The following SHANK2 variants were observed in gnomAD, a reference collection of about 807,000 sequenced individuals.
SHANK2 encodes the protein SH3 and multiple ankyrin repeat domains protein 2.
A neutral mutation model predicts 133.7 loss-of-function variants in SHANK2; 43 were observed. The observed-to-expected ratio is 0.32, with a 90% CI of 0.25 to 0.41. SHANK2 has a LOEUF of 0.41. SHANK2 is among the 10% of genes least tolerant of loss of function. SHANK2 has a pLI of 1.00. For missense variants in SHANK2, 1,994 were observed against 2,235.8 expected, an observed-to-expected ratio of 0.89 and a Z score of 2.18; for synonymous variants, 1,017 against 952.8, an observed-to-expected ratio of 1.07 and a Z score of -1.24.
At chr11:70,720,256 A>G (rs1360457586) in intron 14 of SHANK2, among the ~76,000 whole-genome samples, 1 of 152,192 alleles carries the variant, frequency 6.6e-6, no homozygotes, top group Non-Finnish European at 1.5e-5. Flanking sequence ...TGCCACGGTC[A>G]TTTCTGATGT....
At position 70,804,738 on chromosome 11, in the gene SHANK2, G is replaced by A. The variant is rs1270241105; in HGVS notation, c.1663+2264C>T. On this transcript the variant is annotated intron_variant, in intron 13 of 25. Transcript: ENST00000601538. The surrounding 1 kb of genome is among the most constrained non-coding windows in gnomAD (Gnocchi z 4.1). Reference sequence around the variant, plus strand: ...GGGGAAGGCCCCCCCAGAGCTTCTGGGAATTAAGGTGTGAGATGTGGATTC... The same window carrying A: ...GGGGAAGGCCCCCCCAGAGCTTCTGAGAATTAAGGTGTGAGATGTGGATTC... 5.3e-5 allele frequency among the ~76,000 whole-genome samples: 8 copies of A among 152,306 alleles called. No individual in the cohort carries two copies. The highest frequency in any genetic ancestry group is 2.1e-4 in the South Asian group (1 of 4,824).
intron 14 of SHANK2, among the ~76,000 whole-genome samples, chr11:70,728,472 C>T (rs1325747428): frequency 6.6e-6 from 1 of 152,332 alleles, no homozygotes; most frequent in South Asian, 2.1e-4. Context: ...ACTCAGGAAG[C>T]GTCCTGGGCG....
chr11:70,921,287 A>G (rs1590835022), intron 10 of SHANK2, among the ~76,000 whole-genome samples: 1 of 152,264 alleles, frequency 6.6e-6, no homozygotes, highest in East Asian at 1.9e-4. Context: ...GAAAGAGGAC[A>G]GCTGTTGAGA....
intron 17 of SHANK2, among the ~76,000 whole-genome samples, chr11:70,565,148 G>A (rs560728298): frequency 1.8e-4 from 28 of 152,296 alleles, no homozygotes; most frequent in African/African-American, 5.1e-4. Context: ...TGTTGGGGGC[G>A]CTGGGTAGTT....
chr11:71,247,241 C>G (rs572069807), intron 1 of SHANK2, among the ~76,000 whole-genome samples: 1 of 152,282 alleles, frequency 6.6e-6, no homozygotes, highest in South Asian at 2.1e-4. Flanking sequence ...GGTAAAGAGT[C>G]AGGCAACAGT....
intron 17 of SHANK2, among the ~76,000 whole-genome samples, chr11:70,538,013 C>G (rs1438719377): frequency 6.6e-6 from 1 of 152,232 alleles, no homozygotes; most frequent in Non-Finnish European, 1.5e-5. Context: ...CTCAAAGTAG[C>G]TCACTCACTT....
chr11:70,944,239 C>T (rs782768913), intron 10 of SHANK2, among the ~76,000 whole-genome samples: 1 of 152,254 alleles, frequency 6.6e-6, no homozygotes, highest in Non-Finnish European at 1.5e-5. Flanking sequence ...ATCTGGCAAT[C>T]ACTGTTGCCT....
At chr11:71,062,996 C>CAAAAAAAA (rs1169050698) in intron 9 of SHANK2, among the ~76,000 whole-genome samples, 3 of 69,746 alleles carry the variant, frequency 4.3e-5, no homozygotes, top group African/African-American at 1.6e-4. Flanking sequence ...GACCCTGTCT[C>CAAAAAAAA]AAAAAAAAAA....
At chr11:70,772,354 C>G (rs767674919) in intron 14 of SHANK2, among the ~76,000 whole-genome samples, 1 of 151,398 alleles carries the variant, frequency 6.6e-6, no homozygotes, top group African/African-American at 2.4e-5. Context: ...GCAGGAGAAT[C>G]GCTTGAACCC....
chr11:70,701,605 C>T (rs1158776816), intron 14 of SHANK2, among the ~76,000 whole-genome samples: 6 of 152,020 alleles, frequency 3.9e-5, no homozygotes, highest in East Asian at 1.9e-4. Flanking sequence ...GGGGTTTCAC[C>T]GTGTTAGCCA....
intron 14 of SHANK2, among the ~76,000 whole-genome samples, chr11:70,794,509 G>A (rs911807132): frequency 5.3e-5 from 8 of 152,144 alleles, no homozygotes; most frequent in Non-Finnish European, 1.2e-4. Flanking sequence ...ATGGCTGGAA[G>A]ACAGCCTGAG....
At chr11:70,877,917 C>T (rs72958627) in intron 11 of SHANK2, among the ~76,000 whole-genome samples, 355 of 152,360 alleles carry the variant, frequency 2.3e-3, no homozygotes, top group Admixed American at 4.6e-3. Flanking sequence ...TTGTCAAGCA[C>T]CTACCAGGTG....
At chr11:70,881,564 AATAATAATAT>A (rs782312750) in intron 11 of SHANK2, among the ~76,000 whole-genome samples, 6,484 of 130,070 alleles carry the variant, frequency 0.05, 228 homozygotes, top group East Asian at 0.058. Context: ...TAATAATATT[AATAATAATAT>A]TAATAATAAT....
intron 14 of SHANK2, among the ~76,000 whole-genome samples, chr11:70,781,558 T>TTTTATATA (rs1555045156): frequency 6.9e-5 from 2 of 28,970 alleles, no homozygotes; most frequent in African/African-American, 2.1e-4. Context: ...TACTTACTTA[T>TTTTATATA]TATATATATA....
At chr11:70,577,806 G>T (rs959884028) in intron 17 of SHANK2, among the ~76,000 whole-genome samples, 4 of 152,254 alleles carry the variant, frequency 2.6e-5, no homozygotes, top group Admixed American at 2.0e-4. Flanking sequence ...CTCAGAACGT[G>T]ACTGTATTTG....
rs1014221392 is a variant in SHANK2, at chr11:71,058,090, C to A, written c.1030-1532G>T. On this transcript the variant is annotated intron_variant, in intron 9 of 25. Transcript: ENST00000601538. ...TTGTATTTTTTTGTAGAGACGAGGT[C>A]CCCCGTGTTGTCTAGGCTGGTCTCA... Among the ~76,000 whole-genome samples, 4 of 148,964 alleles carry A rather than the reference C, an allele frequency of 2.7e-5. No homozygotes were observed. In the East Asian group the frequency reaches 8.1e-4, roughly 30 times the overall value.
intron 15 of SHANK2, among the ~76,000 whole-genome samples, chr11:70,666,813 C>G (rs1944686494): frequency 6.6e-6 from 1 of 152,186 alleles, no homozygotes; most frequent in African/African-American, 2.4e-5. Flanking sequence ...ATGCCATGCC[C>G]TGATCCTCTG....
intron 3 of SHANK2, among the ~76,000 whole-genome samples, chr11:71,132,171 C>T (rs1160356038): frequency 9.2e-5 from 14 of 152,236 alleles, no homozygotes; most frequent in African/African-American, 3.4e-4. Flanking sequence ...GGGAGAGCAG[C>T]GAGGGAAGGG....
At chr11:70,659,541 G>A (rs902595333) in intron 17 of SHANK2, among the ~76,000 whole-genome samples, 2 of 152,122 alleles carry the variant, frequency 1.3e-5, no homozygotes, top group East Asian at 3.9e-4. Flanking sequence ...CAACATCATG[G>A]TGACCACATG....
Sources: allele counts gnomAD v4.1 joint callset (sites outside exome capture counted in the v4.1 genomes callset), GRCh38; gene constraint gnomAD v4.1.1; non-coding constraint Gnocchi (gnomAD v3.1); transcripts MANE v1.5; gene names NCBI Gene and HGNC (gene_info 2026-07-23, HGNC 2026-07-21).